Variants in TBC1D12 observed in about 807,000 individuals in gnomAD.
TBC1D12 encodes TBC1 domain family member 12, also known as TBC1 domain family, member 12.
Under a neutral mutation model 86.7 loss-of-function variants are expected in TBC1D12, and 56 were observed. That is an observed-to-expected ratio of 0.65 (90% CI 0.52 to 0.81). The LOEUF (loss-of-function observed/expected upper bound fraction) is 0.81. TBC1D12 is among the 30% of genes least tolerant of loss of function. TBC1D12 has a pLI of 0.00. For missense variants in TBC1D12, 1,023 were observed against 1,038.8 expected (o/e 0.98, Z 0.21); for synonymous variants, 421 against 411.7 (o/e 1.02, Z -0.27).
At chr10:94,523,699 A>G (rs1161969699) in intron 11 of TBC1D12, among the ~76,000 whole-genome samples, 1 of 152,210 alleles carries the variant, frequency 6.6e-6, no homozygotes, top group African/African-American at 2.4e-5. Flanking sequence ...GCAGTGGCTG[A>G]CGCCTGTAGT....
chr10:94,504,443 G>A (rs2056436690), intron 6 of TBC1D12, among the ~76,000 whole-genome samples: 1 of 152,162 alleles, frequency 6.6e-6, no homozygotes, highest in Non-Finnish European at 1.5e-5. Context: ...AGAATGGAAT[G>A]TGTGTTTATT....
chr10:94,472,636 G>A (rs1202380884), intron 2 of TBC1D12, among the ~76,000 whole-genome samples: 2 of 151,964 alleles, frequency 1.3e-5, no homozygotes, highest in Non-Finnish European at 1.5e-5. Context: ...TTTTTAGTAA[G>A]AAAAACATGA....
chr10:94,487,661 T>C (rs2056185826), intron 3 of TBC1D12, among the ~76,000 whole-genome samples: 1 of 151,668 alleles, frequency 6.6e-6, no homozygotes. Flanking sequence ...AAAAACTTTT[T>C]GTTGTTTCTT....
rs1404438250 is a variant in TBC1D12, at chr10:94,403,539, C to T, written c.926C>T (p.Ser309Leu). The stretch of plus-strand genomic sequence containing the variant: ...GCGGAGCAGGGTCCTGCGGGGGCTT[C>T]GGCCCGGGCTCGACGGAGTGGCGGC... ...PAAEQGPAGA[S>L]ARARRSGGFA... is the part of the protein sequence containing the mutation. Residue 309 changes from serine to leucine, a missense_variant, in exon 1 of 13, where the codon TCG becomes TTG. Physicochemically the swap from Ser to Leu is moderately radical, Grantham distance 145 (BLOSUM62 -2). Transcript: ENST00000225235. 1.7e-5 allele frequency: 26 copies of T among 1,524,732 alleles called. No individual in the cohort carries two copies. The highest frequency in any genetic ancestry group is 2.3e-5 in the Non-Finnish European group (26 of 1,145,358). The allele number at this position is 1,524,732 out of a possible 1,614,324, so 94.5% of individuals were successfully genotyped here.
chr10:94,532,925 A>G, intron 12 of TBC1D12, 103 bp from the exon 13 acceptor site: 1 of 652,006 alleles, frequency 1.5e-6, no homozygotes, highest in Non-Finnish European at 2.6e-6. Flanking sequence ...GACAGTGTTA[A>G]GTATAATAAA....
At chr10:94,492,228 T>A (rs558869272) in intron 3 of TBC1D12, among the ~76,000 whole-genome samples, 1 of 152,232 alleles carries the variant, frequency 6.6e-6, no homozygotes, top group East Asian at 1.9e-4. Flanking sequence ...TAGGGTTTGT[T>A]ACTGTCTGAG....
chr10:94,412,539 G>A (rs2054941122), intron 1 of TBC1D12, among the ~76,000 whole-genome samples: 1 of 152,240 alleles, frequency 6.6e-6, no homozygotes, highest in Non-Finnish European at 1.5e-5. Context: ...GGAATGCTGA[G>A]AAAGATTAAA....
intron 12 of TBC1D12, among the ~76,000 whole-genome samples, chr10:94,531,669 T>TTATTTTATGTTATTTTATGTTATG (rs1842421527): frequency 7.0e-6 from 1 of 143,816 alleles, no homozygotes; most frequent in African/African-American, 2.6e-5. Context: ...TTTATTTTAT[T>TTATTTTATGTTATTTTATGTTATG]TTATTTTATT....
At chr10:94,475,442 T>A (rs1406870698) in intron 3 of TBC1D12, among the ~76,000 whole-genome samples, 1 of 152,240 alleles carries the variant, frequency 6.6e-6, no homozygotes, top group African/African-American at 2.4e-5. Context: ...TTTAATTTTT[T>A]ATTTTTGAGA....
chr10:94,517,868 A>G (rs1842040552), intron 9 of TBC1D12, among the ~76,000 whole-genome samples: 1 of 152,168 alleles, frequency 6.6e-6, no homozygotes, highest in Admixed American at 6.5e-5. Context: ...TAAAAGAACC[A>G]CAGGCTGGGT....
At chr10:94,463,534 C>T (rs1429269348) in intron 2 of TBC1D12, among the ~76,000 whole-genome samples, 1 of 152,192 alleles carries the variant, frequency 6.6e-6, no homozygotes, top group African/African-American at 2.4e-5. Context: ...GCCCTCCTGA[C>T]CAAATTACCT....
chr10:94,517,787 A>G (rs1412026105), intron 9 of TBC1D12, among the ~76,000 whole-genome samples: 1 of 152,236 alleles, frequency 6.6e-6, no homozygotes, highest in Non-Finnish European at 1.5e-5. Context: ...ATAACTCACG[A>G]AAGTTTTATC....
In TBC1D12 at chr10:94,507,247, G is replaced by C. The variant is rs201176644; in HGVS notation, c.1520-20G>C. The C allele has an allele frequency of 1.2e-5, 19 of 1,596,782 alleles. No individual in the cohort carries two copies. The highest frequency in any genetic ancestry group is 1.6e-5 in the Non-Finnish European group (19 of 1,175,286). On this transcript the variant is annotated intron_variant, in intron 6 of 12. Transcript: ENST00000225235. ...TCTTTCCTATTATTCATACATTTTT[G>C]TTCTCCCCCCAACCCCCAGAACTTT...
At chr10:94,516,731 A>G (rs374198902) in intron 9 of TBC1D12, among the ~76,000 whole-genome samples, 1 of 151,994 alleles carries the variant, frequency 6.6e-6, no homozygotes, top group Non-Finnish European at 1.5e-5. Flanking sequence ...CAGTAACTCA[A>G]TTAGATTCTC....
chr10:94,524,342 A>G (rs11596735), intron 11 of TBC1D12, among the ~76,000 whole-genome samples: 61 of 152,330 alleles, frequency 4.0e-4, no homozygotes, highest in Non-Finnish European at 8.1e-4. Context: ...AAGATGCAAA[A>G]TGTGGTTTAG....
chr10:94,505,689 G>A (rs2056450921), intron 6 of TBC1D12, among the ~76,000 whole-genome samples: 1 of 152,104 alleles, frequency 6.6e-6, no homozygotes, highest in African/African-American at 2.4e-5. Flanking sequence ...AATAGTAAGA[G>A]TCTGTTTGAA....
chr10:94,479,306 A>G (rs1177161783), intron 3 of TBC1D12, among the ~76,000 whole-genome samples: 1 of 152,032 alleles, frequency 6.6e-6, no homozygotes, highest in Admixed American at 6.5e-5. Context: ...TTTAGCTTCT[A>G]TTTTTTCCTG....
intron 1 of TBC1D12, among the ~76,000 whole-genome samples, chr10:94,422,893 A>G (rs967040185): frequency 2.0e-5 from 3 of 152,132 alleles, no homozygotes; most frequent in Non-Finnish European, 2.9e-5. Context: ...AATAAAGTAG[A>G]ATTTATTGTT....
chr10:94,417,755 T>G (rs2055018343), intron 1 of TBC1D12, among the ~76,000 whole-genome samples: 2 of 150,978 alleles, frequency 1.3e-5, no homozygotes, highest in South Asian at 4.2e-4. Flanking sequence ...TTCTTCTTTT[T>G]TTTTTTTTTT....
Sources: allele counts gnomAD v4.1 joint callset (sites outside exome capture counted in the v4.1 genomes callset), GRCh38; gene constraint gnomAD v4.1.1; transcripts MANE v1.5; gene names NCBI Gene and HGNC (gene_info 2026-07-23, HGNC 2026-07-21).